The following LRMDA variants were observed in gnomAD, a reference collection of about 807,000 sequenced individuals.
LRMDA encodes the protein leucine rich melanocyte differentiation associated.
LRMDA carries 18 observed loss-of-function variants against 29.8 expected under a neutral mutation model. That is an observed-to-expected ratio of 0.60 (90% CI 0.42 to 0.90). The LOEUF (loss-of-function observed/expected upper bound fraction) is 0.90, where lower values mean the gene tolerates loss of function less well. Ranked by LOEUF, LRMDA falls within the 40% of genes least tolerant of loss-of-function variation. The pLI is 0.00. For missense variants in LRMDA, 273 were observed against 273.9 expected, an observed-to-expected ratio of 1.00 and a Z score of 0.02; for synonymous variants, 125 against 109.4, an observed-to-expected ratio of 1.14 and a Z score of -0.89.
intron 2 of LRMDA, among the ~76,000 whole-genome samples, chr10:75,546,822 C>G (rs1840086677): frequency 6.6e-6 from 1 of 152,120 alleles, no homozygotes; most frequent in Non-Finnish European, 1.5e-5. Context: ...GATAGTGAAT[C>G]TCTACATTTT....
At chr10:75,706,344 T>G (rs1250597523) in intron 2 of LRMDA, among the ~76,000 whole-genome samples, 11 of 152,190 alleles carry the variant, frequency 7.2e-5, no homozygotes, top group Admixed American at 7.2e-4. Flanking sequence ...ATCCCAGGTA[T>G]AGAAATATTG....
intron 2 of LRMDA, among the ~76,000 whole-genome samples, chr10:75,493,137 C>T (rs1324283246): frequency 3.9e-5 from 6 of 151,996 alleles, no homozygotes; most frequent in Non-Finnish European, 7.4e-5. Flanking sequence ...TTGCATATCT[C>T]GGGGCTGACT....
At chr10:76,156,614 G>A (rs1216980405) in intron 5 of LRMDA, among the ~76,000 whole-genome samples, 1 of 152,104 alleles carries the variant, frequency 6.6e-6, no homozygotes, top group Non-Finnish European at 1.5e-5. Flanking sequence ...TCCATGCCTG[G>A]CAGTCCCTGA....
chr10:76,080,007 A>G (rs1246463495), intron 5 of LRMDA, among the ~76,000 whole-genome samples: 11 of 152,008 alleles, frequency 7.2e-5, no homozygotes, highest in Admixed American at 7.2e-4. Context: ...ACTGTTCTGC[A>G]GTGTATTTTT....
chr10:76,432,931 C>T (rs760061178), intron 6 of LRMDA, among the ~76,000 whole-genome samples: 20 of 152,170 alleles, frequency 1.3e-4, no homozygotes, highest in Non-Finnish European at 2.8e-4. Context: ...CCACCAGTGC[C>T]ACCACCCTAA....
At chr10:75,431,794 C>A in intron 1 of LRMDA, 40 bp downstream of exon 1, 1 of 1,329,838 alleles carries the variant, frequency 7.5e-7, no homozygotes, top group Non-Finnish European at 9.6e-7. Context: ...GGGGCGCAGT[C>A]CGCGTGGGGA....
At chr10:75,671,336 A>G (rs1312263308) in intron 2 of LRMDA, among the ~76,000 whole-genome samples, 1 of 152,180 alleles carries the variant, frequency 6.6e-6, no homozygotes, top group African/African-American at 2.4e-5. Flanking sequence ...GAGTATTCCA[A>G]GACTCTTGGT....
chr10:76,258,077 C>T (rs758363671), intron 5 of LRMDA, among the ~76,000 whole-genome samples: 1 of 152,170 alleles, frequency 6.6e-6, no homozygotes, highest in Non-Finnish European at 1.5e-5. Flanking sequence ...AGTCCACATA[C>T]GAGGGGTGGA....
At chr10:76,438,497 T>C (rs1383744741) in intron 6 of LRMDA, 2 of 152,154 alleles carry the variant, frequency 1.3e-5, no homozygotes, top group African/African-American at 4.8e-5. Context: ...CTGGGAGAGA[T>C]AGACAAGCTC....
At chr10:76,049,996 G>A (rs1389484699) in intron 4 of LRMDA, among the ~76,000 whole-genome samples, 1 of 152,202 alleles carries the variant, frequency 6.6e-6, no homozygotes, top group Non-Finnish European at 1.5e-5. Context: ...CCTTAAAGGA[G>A]TGTATTCAGA....
intron 2 of LRMDA, among the ~76,000 whole-genome samples, chr10:75,730,575 C>A (rs2132197960): frequency 6.6e-6 from 1 of 152,300 alleles, no homozygotes; most frequent in East Asian, 1.9e-4. Flanking sequence ...TTTCTCTCAT[C>A]CCACTTCCTG....
chr10:76,188,241 T>C (rs1851182596), intron 5 of LRMDA, among the ~76,000 whole-genome samples: 2 of 152,228 alleles, frequency 1.3e-5, no homozygotes, highest in Admixed American at 1.3e-4. Flanking sequence ...TTAGATTGCT[T>C]CCTTTCCTGG....
At chr10:75,734,478 G>A (rs144916225) in intron 2 of LRMDA, among the ~76,000 whole-genome samples, 43 of 152,288 alleles carry the variant, frequency 2.8e-4, no homozygotes, top group African/African-American at 9.9e-4. Flanking sequence ...GGTCCCTACT[G>A]TTTAGACTAG....
At chr10:75,649,258 G>A (rs1589146141) in intron 2 of LRMDA, among the ~76,000 whole-genome samples, 1 of 152,114 alleles carries the variant, frequency 6.6e-6, no homozygotes, top group East Asian at 1.9e-4. Flanking sequence ...TATGTTCAAG[G>A]TTCATATTGT....
rs548255607 is a variant in LRMDA at position 75,793,967 on chromosome 10, G to A, written c.132-242041G>A. Among the ~76,000 whole-genome samples the A allele has an allele frequency of 9.8e-5, 15 of 152,328 alleles. No individual in the cohort carries two copies. The South Asian group carries it at 3.1e-3, about 32-fold the overall frequency. ...AACTCCTCAACTCTGTCCCCATAGT[G>A]GGAAAACGGCCATAGGAAATATGTG... On this transcript the variant is annotated intron_variant, in intron 2 of 6. Transcript: ENST00000611255.
intron 2 of LRMDA, among the ~76,000 whole-genome samples, chr10:75,996,414 C>A (rs1214970373): frequency 6.6e-6 from 1 of 152,196 alleles, no homozygotes; most frequent in Admixed American, 6.5e-5. Context: ...TATGACCCCT[C>A]TTCTTCAGAA....
chr10:76,302,993 C>CGA (rs1487303528), intron 5 of LRMDA, among the ~76,000 whole-genome samples: 10 of 152,176 alleles, frequency 6.6e-5, no homozygotes, highest in Admixed American at 5.9e-4. Flanking sequence ...CTCTAACTTT[C>CGA]CTCATCTCCC....
intron 2 of LRMDA, among the ~76,000 whole-genome samples, chr10:75,532,020 G>A (rs1464819373): frequency 6.8e-6 from 1 of 146,056 alleles, no homozygotes; most frequent in Non-Finnish European, 1.5e-5. Context: ...CTCCAGCCTG[G>A]CAGATAAGGG....
At chr10:76,026,104 G>A (rs1848058512) in intron 2 of LRMDA, among the ~76,000 whole-genome samples, 1 of 152,194 alleles carries the variant, frequency 6.6e-6, no homozygotes, top group Non-Finnish European at 1.5e-5. Context: ...AGCTCTTTGG[G>A]AGATTCTTCT....
Sources: gnomAD v4.1 joint callset for allele counts (sites outside exome capture counted in the v4.1 genomes callset) on GRCh38, gnomAD v4.1.1 for gene constraint, MANE v1.5 for transcripts, NCBI Gene and HGNC (gene_info 2026-07-23, HGNC 2026-07-21) for gene names.